The following NPR3 variants were observed in gnomAD, a reference collection of about 807,000 sequenced individuals.
The protein encoded by NPR3 is natriuretic peptide receptor 3.
Under a neutral mutation model 54.5 loss-of-function variants are expected in NPR3, and 34 were observed. The ratio of observed to expected loss-of-function variants is 0.62; its 90% confidence interval spans 0.47 to 0.83. The LOEUF is 0.83. NPR3 is among the 40% of genes least tolerant of loss of function. The pLI is 0.00. For synonymous variants in NPR3, 289 were observed against 297.1 expected (o/e 0.97, Z 0.28); for missense variants, 674 against 720.8 (o/e 0.94, Z 0.74).
intron 3 of NPR3, among the ~76,000 whole-genome samples, chr5:32,747,729 G>A (rs796214297): frequency 5.7e-4 from 86 of 149,696 alleles, no homozygotes; most frequent in African/African-American, 1.9e-3. Flanking sequence ...AAATTTCCCC[G>A]TGGTTTTGAA....
chr5:32,770,526 A>C (rs1411649861), intron 3 of NPR3, among the ~76,000 whole-genome samples: 1 of 152,218 alleles, frequency 6.6e-6, no homozygotes, highest in African/African-American at 2.4e-5. Context: ...TTTTGGCAAG[A>C]ATGAGTGGAA....
upstream of NPR3, among the ~76,000 whole-genome samples, chr5:32,705,568 G>A (rs1737964707): frequency 6.6e-6 from 1 of 152,058 alleles, no homozygotes; most frequent in African/African-American, 2.4e-5. Context: ...GATGGGGAGG[G>A]GGAGATGCTA....
chr5:32,747,026 G>T (rs1740336123), intron 3 of NPR3, among the ~76,000 whole-genome samples: 1 of 151,900 alleles, frequency 6.6e-6, no homozygotes. Context: ...AGATTGAAAG[G>T]GCCCAATATA....
At chr5:32,767,477 T>C (rs542915620) in intron 3 of NPR3, among the ~76,000 whole-genome samples, 1 of 152,380 alleles carries the variant, frequency 6.6e-6, no homozygotes, top group African/African-American at 2.4e-5. Context: ...TTACAATTAT[T>C]GCCCAGCAGT....
chr5:32,763,413 C>A (rs1741279012), intron 3 of NPR3, among the ~76,000 whole-genome samples: 1 of 152,046 alleles, frequency 6.6e-6, no homozygotes. Context: ...ACCTCTGCCT[C>A]CTGGGTTCAA....
At chr5:32,734,335 T>A (rs535226356) in intron 2 of NPR3, among the ~76,000 whole-genome samples, 1 of 152,320 alleles carries the variant, frequency 6.6e-6, no homozygotes, top group East Asian at 1.9e-4. Context: ...TCTCAGCCAC[T>A]CATTCAGGTG....
At chr5:32,760,805 G>C (rs932308244) in intron 3 of NPR3, among the ~76,000 whole-genome samples, 1 of 151,426 alleles carries the variant, frequency 6.6e-6, no homozygotes, top group African/African-American at 2.4e-5. Flanking sequence ...TGAAAGTTTT[G>C]GCTTTTATAT....
intron 1 of NPR3, among the ~76,000 whole-genome samples, chr5:32,721,218 A>G (rs1738841799): frequency 6.6e-6 from 1 of 152,230 alleles, no homozygotes; most frequent in African/African-American, 2.4e-5. Context: ...TGCTCTGCTC[A>G]TGAACTTGGA....
chr5:32,726,962 T>A (rs1015893003), intron 2 of NPR3, among the ~76,000 whole-genome samples: 3 of 152,228 alleles, frequency 2.0e-5, no homozygotes, highest in Admixed American at 1.3e-4. Flanking sequence ...AAGTCTTATT[T>A]CTCAATATTG....
chr5:32,734,871 G>T (rs1364293116), intron 2 of NPR3, among the ~76,000 whole-genome samples: 1 of 152,214 alleles, frequency 6.6e-6, no homozygotes, highest in Non-Finnish European at 1.5e-5. Flanking sequence ...ATTCGATCTT[G>T]TTGCCATCCA....
upstream of NPR3, chr5:32,710,915 T>TGTGTGGGTGG: frequency 1.1e-6 from 1 of 898,846 alleles, no homozygotes; most frequent in Non-Finnish European, 1.5e-6. Context: ...TGTGTGTGTG[T>TGTGTGGGTGG]GTATGTGTGC....
chr5:32,759,448 A>G (rs1270273896), intron 3 of NPR3, among the ~76,000 whole-genome samples: 3 of 149,516 alleles, frequency 2.0e-5, no homozygotes, highest in African/African-American at 7.4e-5. Context: ...TTTGTTTTTC[A>G]TTTGCTTGCC....
At chr5:32,721,329 T>C (rs764136099) in intron 1 of NPR3, among the ~76,000 whole-genome samples, 21 of 152,250 alleles carry the variant, frequency 1.4e-4, no homozygotes, top group Non-Finnish European at 2.5e-4. Context: ...TGCCACTCTA[T>C]GTCTCTTTTG....
intron 3 of NPR3, among the ~76,000 whole-genome samples, chr5:32,773,982 C>T (rs1199592507): frequency 2.0e-5 from 3 of 152,290 alleles, no homozygotes; most frequent in Admixed American, 6.5e-5. Flanking sequence ...CTTTAAGTTT[C>T]CTGAGGGCAA....
At chr5:32,758,334 G>A (rs1740962266) in intron 3 of NPR3, among the ~76,000 whole-genome samples, 1 of 151,958 alleles carries the variant, frequency 6.6e-6, no homozygotes, top group African/African-American at 2.4e-5. Flanking sequence ...GTCTTCGGAG[G>A]GTGTATGTGT....
chr5:32,758,238 T>C (rs867412135), intron 3 of NPR3, among the ~76,000 whole-genome samples: 3 of 152,144 alleles, frequency 2.0e-5, no homozygotes, highest in East Asian at 1.9e-4. Context: ...GTCCTGGACT[T>C]TTTTTGGTTG....
intron 2 of NPR3, among the ~76,000 whole-genome samples, chr5:32,738,479 C>A (rs1231680884): frequency 2.0e-5 from 3 of 152,158 alleles, no homozygotes; most frequent in African/African-American, 7.2e-5. Context: ...ACACTAGCCA[C>A]TTGATTCACC....
At chr5:32,779,291 C>T (rs1230546670) in intron 4 of NPR3, among the ~76,000 whole-genome samples, 2 of 152,118 alleles carry the variant, frequency 1.3e-5, no homozygotes, top group Non-Finnish European at 2.9e-5. Flanking sequence ...CTGAACTCTC[C>T]CCAGTTGAAA....
chr5:32,787,131 A>C lies in NPR3; in HGVS notation c.*786A>C, dbSNP rs1340326904. 6.6e-6 allele frequency: 1 copy of C among 152,660 alleles called. No individual in the cohort carries two copies. The highest frequency in any genetic ancestry group is 1.9e-4 in the East Asian group (1 of 5,204). 9.5% of individuals were successfully genotyped at this position (152,660 alleles called of 1,614,324 possible). On this transcript the variant is annotated 3_prime_UTR_variant, in exon 8 of 8. Coordinates refer to ENST00000265074, the MANE Select transcript of NPR3 (RefSeq NM_001204375.2). ...TCTATTTTTTCATTTTGAAGATTAA[A>C]TGTTGCTTACATTTTAAAAGCATGG...
Sources: gnomAD v4.1 joint callset for allele counts (sites outside exome capture counted in the v4.1 genomes callset) on GRCh38, gnomAD v4.1.1 for gene constraint, MANE v1.5 for transcripts, NCBI Gene and HGNC (gene_info 2026-07-23, HGNC 2026-07-21) for gene names.